The following PPP1R1C variants were observed in gnomAD, a reference collection of about 807,000 sequenced individuals.
PPP1R1C encodes the protein protein phosphatase 1 regulatory inhibitor subunit 1C, also known as protein phosphatase 1 regulatory subunit 1C.
In PPP1R1C, 15 loss-of-function variants were observed where a neutral mutation model predicts 17.4. The observed-to-expected ratio is 0.86, with a 90% confidence interval of 0.58 to 1.33. PPP1R1C has a LOEUF of 1.33. Ranked by LOEUF, PPP1R1C falls within the 40% of genes most tolerant of loss-of-function variation. The probability of loss-of-function intolerance (pLI) is 0.00; values close to 1 mark genes in which losing one functional copy is unlikely to be tolerated. For missense variants in PPP1R1C, 143 were observed against 130.0 expected (o/e 1.10, Z -0.48); for synonymous variants, 35 against 43.1 (o/e 0.81, Z 0.73).
chr2:182,038,758 A>T (rs1687092250), intron 2 of PPP1R1C, among the ~76,000 whole-genome samples: 1 of 152,230 alleles, frequency 6.6e-6, no homozygotes, highest in Non-Finnish European at 1.5e-5. Flanking sequence ...CCTTCATGAC[A>T]TTAAGAGAGC....
At chr2:181,956,649 A>C (rs1206493978) in intron 1 of PPP1R1C, among the ~76,000 whole-genome samples, 1 of 152,186 alleles carries the variant, frequency 6.6e-6, no homozygotes, top group Non-Finnish European at 1.5e-5. Context: ...ATGACCAGTG[A>C]TCATGAGCAT....
intron 2 of PPP1R1C, among the ~76,000 whole-genome samples, chr2:182,032,543 T>C (rs1037874748): frequency 1.3e-5 from 2 of 152,198 alleles, no homozygotes; most frequent in Non-Finnish European, 2.9e-5. Flanking sequence ...TGATACATAG[T>C]GGGCCCCACC....
chr2:182,000,750 G>A (rs368908543), intron 2 of PPP1R1C, among the ~76,000 whole-genome samples: 1 of 152,160 alleles, frequency 6.6e-6, no homozygotes, highest in African/African-American at 2.4e-5. Flanking sequence ...GCTTAATCAG[G>A]TTAGTCCTCG....
chr2:181,994,943 TA>T lies in PPP1R1C; in HGVS notation c.142+7045del, dbSNP rs534729896. ...AGGTCAGAGCTAAAATTTTACTGTT[TA>T]TTCCAACTTACTAGTAGAGTAGATG... On this transcript the variant is annotated intron_variant, in intron 2 of 4. Transcript: ENST00000682840. 2.0e-3 allele frequency among the ~76,000 whole-genome samples: 300 copies of T among 152,338 alleles called. 3 individuals are homozygous for T. The highest frequency in any genetic ancestry group is 6.9e-3 in the African/African-American group (286 of 41,578).
chr2:182,037,174 C>A (rs1011730735), intron 2 of PPP1R1C, among the ~76,000 whole-genome samples: 165 of 152,204 alleles, frequency 1.1e-3, no homozygotes, highest in African/African-American at 4.0e-3. Context: ...AAAACAAAAA[C>A]AAACAAAAAA....
In PPP1R1C at chr2:181,962,034, C is replaced by T. The variant is rs770613612; in HGVS notation, n.111+7400C>T. The T allele has an allele frequency of 5.5e-6, 4 of 726,590 alleles. No individual in the cohort carries two copies. Among genetic ancestry groups the T allele is most frequent in the African/African-American group, 1.7e-5 (1 of 57,896 alleles). 45.0% of individuals were successfully genotyped at this position (726,590 alleles called of 1,614,324 possible). On this transcript the variant is annotated intron_variant and non_coding_transcript_variant, in intron 1 of 5. Transcript: ENST00000464264. The surrounding 1 kb of genome is among the most constrained non-coding windows in gnomAD (Gnocchi z 6.0). ...GCATTGTCAATCTGCAAAACGATGC[C>T]GGCATTGTCCACAGTATTTGCGAAG...
At position 181,961,809 on chromosome 2, in the gene PPP1R1C, T is replaced by C. The variant is rs1397091674; in HGVS notation, n.111+7175T>C. 3 of 1,270,914 alleles carry C rather than the reference T, an allele frequency of 2.4e-6. No homozygotes were observed. Among genetic ancestry groups the C allele is most frequent in the Non-Finnish European group, 3.4e-6 (3 of 878,642 alleles). 78.7% of individuals were successfully genotyped at this position (1,270,914 alleles called of 1,614,324 possible). A position where few individuals can be genotyped will look rare whatever the true frequency, so the allele number is the denominator to read the frequency against. ...ACTCAGAGCTGGCAATCTGGGCTTG[T>C]AGGCCTTTTACTTCCTCTTCGTGGT... On this transcript the variant is annotated intron_variant and non_coding_transcript_variant, in intron 1 of 5. Transcript: ENST00000464264. This position sits in a 1 kb window ranked among gnomAD's most constrained non-coding sequence, Gnocchi z 5.8.
rs954366442 is a variant in PPP1R1C, at chr2:181,976,687, T to A, written n.157+1423T>A. The stretch of plus-strand genomic sequence containing the variant: ...GAGTATTTTAAACATCTTTCCCCTC[T>A]GGCTACCTCCTTGCAGCCCAGGACA... On this transcript the variant is annotated intron_variant and non_coding_transcript_variant, in intron 2 of 5. Coordinates refer to the PPP1R1C transcript ENST00000464264. This position sits in a 1 kb window ranked among gnomAD's most constrained non-coding sequence, Gnocchi z 4.8. 6.6e-6 allele frequency among the ~76,000 whole-genome samples: 1 copy of A among 152,180 alleles called. No individual in the cohort carries two copies. The highest frequency in any genetic ancestry group is 1.5e-5 in the Non-Finnish European group (1 of 68,028).
intron 4 of PPP1R1C, among the ~76,000 whole-genome samples, chr2:182,104,726 C>A (rs934593285): frequency 3.3e-5 from 5 of 152,092 alleles, no homozygotes; most frequent in Non-Finnish European, 7.4e-5. Context: ...ATTTTCTTTT[C>A]TTGTGGCATC....
In PPP1R1C at chr2:182,050,209, T is replaced by C. The variant is rs111637544; in HGVS notation, c.143-11233T>C. Among the ~76,000 whole-genome samples, 11 of 152,372 alleles carry C rather than the reference T, an allele frequency of 7.2e-5. 3 individuals carry two copies. The highest frequency in any genetic ancestry group is 2.6e-4 in the African/African-American group (11 of 41,598). On this transcript the variant is annotated intron_variant, in intron 2 of 4. Coordinates refer to ENST00000682840, the MANE Select transcript of PPP1R1C (RefSeq NM_001080545.3). ...CAAGTTTTTTGTTTGTTTACTTTCCTAGTTTTATATAGATTATCCCCTATA... is the reference window on the plus strand; with the variant it reads ...CAAGTTTTTTGTTTGTTTACTTTCCCAGTTTTATATAGATTATCCCCTATA...
downstream of PPP1R1C, chr2:182,131,021 G>GT (rs1405279393): frequency 6.6e-6 from 1 of 152,156 alleles, no homozygotes; most frequent in Non-Finnish European, 1.5e-5. Context: ...TTCAAAGTAA[G>GT]TTTTTTGTCG....
At chr2:182,115,773 G>A (rs76201562) in intron 4 of PPP1R1C, among the ~76,000 whole-genome samples, 5,025 of 151,632 alleles carry the variant, frequency 0.033, 231 homozygotes, top group Admixed American at 0.13. Flanking sequence ...GTCCAAGGAC[G>A]TCACTGTTTG....
At chr2:182,017,690 G>A (rs1219536751) in intron 2 of PPP1R1C, among the ~76,000 whole-genome samples, 1 of 152,050 alleles carries the variant, frequency 6.6e-6, no homozygotes, top group Non-Finnish European at 1.5e-5. Context: ...TTTGTGTTTT[G>A]TCAGCAAGAG....
intron 2 of PPP1R1C, among the ~76,000 whole-genome samples, chr2:181,975,877 T>C (rs1020742071): frequency 3.9e-5 from 6 of 152,030 alleles, no homozygotes; most frequent in Admixed American, 3.3e-4. Flanking sequence ...AATGATCTCA[T>C]CCAAAGTAGC....
chr2:182,128,331 T>C (rs1689926245), intron 5 of PPP1R1C, among the ~76,000 whole-genome samples: 1 of 152,094 alleles, frequency 6.6e-6, no homozygotes. Context: ...TGTGTGACAT[T>C]GGGCAAGTCC....
intron 4 of PPP1R1C, among the ~76,000 whole-genome samples, chr2:182,088,215 G>T (rs189029096): frequency 1.2e-3 from 187 of 150,582 alleles, no homozygotes; most frequent in Non-Finnish European, 1.5e-3. Context: ...TAATTGCCTT[G>T]AATGTTTCCC....
At chr2:182,056,857 C>G (rs1276205373) in intron 2 of PPP1R1C, among the ~76,000 whole-genome samples, 2 of 152,142 alleles carry the variant, frequency 1.3e-5, no homozygotes, top group East Asian at 3.9e-4. Flanking sequence ...GGAAGTCATA[C>G]ATCCTTATTT....
rs375011704 is a variant in PPP1R1C at position 181,986,747 on chromosome 2, A to C, written c.81+556A>C. On this transcript the variant is annotated intron_variant, in intron 1 of 4. Coordinates refer to ENST00000682840, the MANE Select transcript of PPP1R1C (RefSeq NM_001080545.3). ...TAAAATCGTTTTGTTCAGACATTAC[A>C]AACAGTGTTTTAACATTTCCTAGAT... Among the ~76,000 whole-genome samples the C allele has an allele frequency of 6.6e-4, 101 of 152,306 alleles. No homozygotes were observed. The Middle Eastern group carries it at 0.014, about 21-fold the overall frequency.
chr2:182,113,349 C>T (rs1689495412), intron 4 of PPP1R1C, among the ~76,000 whole-genome samples: 2 of 152,194 alleles, frequency 1.3e-5, no homozygotes, highest in African/African-American at 4.8e-5. Flanking sequence ...CTATTGTCCT[C>T]TATTAATTTC....
Sources: gnomAD v4.1 joint callset for allele counts (sites outside exome capture counted in the v4.1 genomes callset) on GRCh38, gnomAD v4.1.1 for gene constraint, Gnocchi (gnomAD v3.1) non-coding constraint, MANE v1.5 for transcripts, NCBI Gene and HGNC (gene_info 2026-07-23, HGNC 2026-07-21) for gene names.